The following XKR9 variants were observed in gnomAD, a reference collection of about 807,000 sequenced individuals.
XKR9 encodes the protein XK related 9, also known as XK-related protein 9.
Under a neutral mutation model 32.0 loss-of-function variants are expected in XKR9, and 32 were observed. The observed-to-expected ratio is 1.00, with a 90% CI of 0.76 to 1.34. The LOEUF is 1.34. Among genes scored for constraint, XKR9 ranks in the 40% most tolerant of loss-of-function variants. XKR9 has a pLI of 0.00. For synonymous variants in XKR9, 168 were observed against 143.4 expected (o/e 1.17, Z -1.22); for missense variants, 546 against 429.7 (o/e 1.27, Z -2.39).
chr8:70,734,661 G>A lies in XKR9; in HGVS notation c.*237G>A. ...CTGGTAGAGCTGCCATCTTGAGCCT[G>A]AAATATAAGAAATGGTCTGGTTTTC... On this transcript the variant is annotated 3_prime_UTR_variant, in exon 5 of 5. Coordinates refer to ENST00000408926, the MANE Select transcript of XKR9 (RefSeq NM_001011720.2). The A allele has an allele frequency of 3.2e-6, 1 of 312,168 alleles. No homozygotes were observed. Among genetic ancestry groups the A allele is most frequent in the Non-Finnish European group, 5.3e-6 (1 of 187,150 alleles). 19.3% of individuals were successfully genotyped at this position (312,168 alleles called of 1,614,324 possible).
At chr8:70,695,128 CTTTTTTTT>C (rs149186256) in intron 3 of XKR9, among the ~76,000 whole-genome samples, 8 of 125,270 alleles carry the variant, frequency 6.4e-5, no homozygotes, top group Admixed American at 7.9e-5. Context: ...CCTTGTTTTT[CTTTTTTTT>C]TTTTTTTTTC....
the XKR9 span, among the ~76,000 whole-genome samples, chr8:70,971,463 T>C: frequency 6.6e-6 from 1 of 152,194 alleles, no homozygotes; most frequent in South Asian, 2.1e-4. Flanking sequence ...AGTTTTCAGT[T>C]GAATTAAGTT....
downstream of XKR9, among the ~76,000 whole-genome samples, chr8:70,791,865 A>G (rs777747230): frequency 6.6e-6 from 1 of 152,138 alleles, no homozygotes; most frequent in Non-Finnish European, 1.5e-5. Flanking sequence ...ACTAAGTCTC[A>G]GTATTTTAAG....
the XKR9 span, among the ~76,000 whole-genome samples, chr8:70,983,381 A>G: frequency 1.3e-5 from 2 of 152,224 alleles, no homozygotes; most frequent in South Asian, 2.1e-4. Flanking sequence ...GCCTGTTACC[A>G]TAATTTCTTA....
the XKR9 span, among the ~76,000 whole-genome samples, chr8:70,806,311 G>A: frequency 1.3e-5 from 2 of 152,172 alleles, no homozygotes; most frequent in Non-Finnish European, 2.9e-5. Context: ...AGTTGAGAAG[G>A]AATCAATGAA....
At chr8:71,022,130 G>T in the XKR9 span, among the ~76,000 whole-genome samples, 1 of 152,200 alleles carries the variant, frequency 6.6e-6, no homozygotes, top group African/African-American at 2.4e-5. Context: ...CTTTCTCAAA[G>T]ATTGGACAAC....
At chr8:70,736,934 T>G (rs1341575622), downstream of XKR9, among the ~76,000 whole-genome samples, 1 of 152,202 alleles carries the variant, frequency 6.6e-6, no homozygotes, top group African/African-American at 2.4e-5. Context: ...TGGCTTAGGA[T>G]TGACTCGGCG....
At chr8:70,808,179 A>G in the XKR9 span, among the ~76,000 whole-genome samples, 1 of 152,236 alleles carries the variant, frequency 6.6e-6, no homozygotes, top group Non-Finnish European at 1.5e-5. Flanking sequence ...TGGGTAAATA[A>G]TGAAATTAAG....
chr8:70,764,555 C>T (rs1484971241), intron 2 of XKR9, among the ~76,000 whole-genome samples: 2 of 152,092 alleles, frequency 1.3e-5, no homozygotes, highest in African/African-American at 4.8e-5. Flanking sequence ...AGATCTGCCT[C>T]TTCATTTGTT....
intron 3 of XKR9, among the ~76,000 whole-genome samples, chr8:70,695,054 AC>A (rs1805212287): frequency 6.6e-6 from 1 of 151,012 alleles, no homozygotes; most frequent in Non-Finnish European, 1.5e-5. Context: ...TCTTGGACTT[AC>A]CACTTCACTA....
chr8:70,901,767 T>C, the XKR9 span, among the ~76,000 whole-genome samples: 1 of 152,228 alleles, frequency 6.6e-6, no homozygotes. Context: ...TTGCCTAGGT[T>C]CTCTTCAAGG....
chr8:70,825,313 C>G, the XKR9 span, among the ~76,000 whole-genome samples: 1 of 152,178 alleles, frequency 6.6e-6, no homozygotes, highest in African/African-American at 2.4e-5. Context: ...GTGACCTGCT[C>G]AGGTATCTTG....
intron 4 of XKR9, among the ~76,000 whole-genome samples, chr8:70,731,857 A>G (rs991735858): frequency 6.6e-6 from 1 of 152,182 alleles, no homozygotes; most frequent in Non-Finnish European, 1.5e-5. Context: ...TCCCCTCCAC[A>G]TATACAAACA....
At chr8:70,675,288 T>A (rs1051623018) in intron 2 of XKR9, among the ~76,000 whole-genome samples, 6 of 152,174 alleles carry the variant, frequency 3.9e-5, no homozygotes, top group African/African-American at 1.2e-4. Context: ...TAGCTGGGTT[T>A]GGTGGTGTGC....
chr8:70,966,362 C>T, the XKR9 span, among the ~76,000 whole-genome samples: 3 of 152,244 alleles, frequency 2.0e-5, no homozygotes, highest in African/African-American at 4.8e-5. Context: ...GATTCTCATG[C>T]CTCAGCCCCT....
chr8:70,748,797 C>G (rs966549928), intron 2 of XKR9, among the ~76,000 whole-genome samples: 1 of 152,194 alleles, frequency 6.6e-6, no homozygotes, highest in Non-Finnish European at 1.5e-5. Context: ...TCCAGGCTTG[C>G]CCATGGCTGC....
At chr8:70,774,523 G>T (rs1480701811) in intron 2 of XKR9, among the ~76,000 whole-genome samples, 2 of 152,014 alleles carry the variant, frequency 1.3e-5, no homozygotes, top group Non-Finnish European at 2.9e-5. Context: ...GTTTTCTTCT[G>T]GAAGCTCTAT....
chr8:70,892,658 A>G, the XKR9 span, among the ~76,000 whole-genome samples: 1 of 152,096 alleles, frequency 6.6e-6, no homozygotes, highest in Non-Finnish European at 1.5e-5. Flanking sequence ...TGAATGTATC[A>G]TTCCATTCTT....
the XKR9 span, among the ~76,000 whole-genome samples, chr8:71,026,686 T>C: frequency 0.43 from 65,824 of 152,046 alleles, 15,305 homozygotes; most frequent in Non-Finnish European, 0.53. Context: ...ACCTGTTTCA[T>C]CATCAGCTGA....
Sources: allele counts gnomAD v4.1 joint callset (sites outside exome capture counted in the v4.1 genomes callset), GRCh38; gene constraint gnomAD v4.1.1; transcripts MANE v1.5; gene names NCBI Gene and HGNC (gene_info 2026-07-23, HGNC 2026-07-21).